The following NFX1 variants were observed in gnomAD, a reference collection of about 807,000 sequenced individuals.
NFX1 encodes the protein transcriptional repressor NF-X1.
A neutral mutation model predicts 137.2 loss-of-function variants in NFX1; 69 were observed. That is an observed-to-expected ratio of 0.50 (90% CI 0.41 to 0.61). The LOEUF (loss-of-function observed/expected upper bound fraction) is 0.61. Ranked by LOEUF, NFX1 falls within the 20% of genes least tolerant of loss-of-function variation. NFX1 has a pLI of 0.00. For synonymous variants in NFX1, 495 were observed against 474.1 expected, an observed-to-expected ratio of 1.04 and a Z score of -0.57; for missense variants, 1,167 against 1,391.0, an observed-to-expected ratio of 0.84 and a Z score of 2.56.
intron 10 of NFX1, among the ~76,000 whole-genome samples, chr9:33,331,075 A>G (rs1822788920): frequency 6.6e-6 from 1 of 152,128 alleles, no homozygotes; most frequent in Non-Finnish European, 1.5e-5. Context: ...CTGAGGCAGG[A>G]GAATGGTGTG....
At chr9:33,350,303 C>CAAAAAA (rs35938162) in intron 15 of NFX1, among the ~76,000 whole-genome samples, 1 of 53,392 alleles carries the variant, frequency 1.9e-5, no homozygotes, top group African/African-American at 7.2e-5. Flanking sequence ...GACTCCATCT[C>CAAAAAA]AAAAAAAAAA....
At chr9:33,300,861 A>G (rs764957343) in intron 2 of NFX1, among the ~76,000 whole-genome samples, 19 of 152,266 alleles carry the variant, frequency 1.2e-4, no homozygotes, top group Non-Finnish European at 2.5e-4. Context: ...AGCTGACACT[A>G]CAGCTTCACG....
chr9:33,317,087 T>C (rs573895665), intron 7 of NFX1, among the ~76,000 whole-genome samples: 1 of 152,288 alleles, frequency 6.6e-6, no homozygotes, highest in East Asian at 1.9e-4. Flanking sequence ...CAAATCAGTC[T>C]TTATTAAATG....
At chr9:33,309,634 T>G (rs1821892021) in intron 5 of NFX1, among the ~76,000 whole-genome samples, 1 of 152,180 alleles carries the variant, frequency 6.6e-6, no homozygotes, top group South Asian at 2.1e-4. Flanking sequence ...TTGTTAGGAC[T>G]CAAAAGTGAC....
chr9:33,356,040 T>C (rs192178287), intron 19 of NFX1, among the ~76,000 whole-genome samples: 1 of 152,334 alleles, frequency 6.6e-6, no homozygotes, highest in Admixed American at 6.5e-5. Flanking sequence ...TTTATGTGTG[T>C]TCAGCATTAG....
At chr9:33,331,603 C>T (rs941072827) in intron 10 of NFX1, among the ~76,000 whole-genome samples, 1 of 151,856 alleles carries the variant, frequency 6.6e-6, no homozygotes, top group Non-Finnish European at 1.5e-5. Flanking sequence ...CAATCCCAGA[C>T]ACCTCATTTT....
chr9:33,307,093 C>T, intron 4 of NFX1, 101 bp from the exon 5 acceptor site: 1 of 774,580 alleles, frequency 1.3e-6, no homozygotes, highest in South Asian at 1.9e-5. Context: ...ATAAAAACCA[C>T]ACTAAAGTTG....
chr9:33,351,411 A>G, intron 15 of NFX1, 149 bp from the exon 16 acceptor site: 1 of 706,694 alleles, frequency 1.4e-6, no homozygotes, highest in Non-Finnish European at 2.4e-6. Flanking sequence ...ACACTGTTGC[A>G]CTCCAGCCTG....
At position 33,349,653 on chromosome 9, in the gene NFX1, G is replaced by A. The variant is rs183850453; in HGVS notation, c.2425-1907G>A. Among the ~76,000 whole-genome samples the A allele has an allele frequency of 2.9e-3, 435 of 151,962 alleles. 1 individual carries two copies. The highest frequency in any genetic ancestry group is 9.2e-3 in the African/African-American group (380 of 41,434). ...CAGCTTTTTCCTATGGTGAGGAAGC[G>A]TGGAAACAGGCCATTTTTCAAGAAA... On this transcript the variant is annotated intron_variant, in intron 15 of 23. Coordinates refer to ENST00000379540, the MANE Select transcript of NFX1 (RefSeq NM_002504.6).
intron 7 of NFX1, among the ~76,000 whole-genome samples, chr9:33,315,724 CAACAACAA>C (rs1421253186): frequency 5.5e-4 from 63 of 114,850 alleles, no homozygotes; most frequent in African/African-American, 1.7e-3. Flanking sequence ...CAGTCTCTAA[CAACAACAA>C]AAAAAAAAAA....
intron 11 of NFX1, among the ~76,000 whole-genome samples, chr9:33,332,829 G>T (rs748452147): frequency 2.0e-4 from 30 of 152,142 alleles, no homozygotes; most frequent in Non-Finnish European, 3.5e-4. Context: ...GATGTTCACT[G>T]TAAAATACTT....
intron 11 of NFX1, among the ~76,000 whole-genome samples, chr9:33,336,984 C>T (rs1823029590): frequency 6.6e-6 from 1 of 152,050 alleles, no homozygotes; most frequent in Non-Finnish European, 1.5e-5. Context: ...CACCTGTAAT[C>T]CCAGCTACTC....
In NFX1 at chr9:33,342,657, A is replaced by G. The variant is rs1253205531; in HGVS notation, c.2116-89A>G. 5.8e-6 allele frequency: 5 copies of G among 864,740 alleles called. No homozygotes were observed. The East Asian group carries it at 1.3e-4, about 23-fold the overall frequency. The allele number at this position is 864,740 out of a possible 1,614,324, so 53.6% of individuals were successfully genotyped here. A position where few individuals can be genotyped will look rare whatever the true frequency, so the allele number is the denominator to read the frequency against. On this transcript the variant is annotated intron_variant, in intron 12 of 23. Transcript: ENST00000379540. ...GATATCATTTTATCCATAAATGTGTAGAGCTTTGTTTTTATTAATCTTGTT... is the reference window on the plus strand; with the variant it reads ...GATATCATTTTATCCATAAATGTGTGGAGCTTTGTTTTTATTAATCTTGTT...
intron 11 of NFX1, chr9:33,332,736 A>G: frequency 2.4e-6 from 1 of 417,706 alleles, no homozygotes; most frequent in Non-Finnish European, 4.4e-6. Flanking sequence ...AATGCATTAA[A>G]AAAGAAAATT....
chr9:33,297,637 A>G (rs79701879), intron 2 of NFX1, among the ~76,000 whole-genome samples: 6,123 of 152,262 alleles, frequency 0.04, 193 homozygotes, highest in Middle Eastern at 0.065. Flanking sequence ...GGTAGGATTC[A>G]GTTCCTTACA....
chr9:33,313,513 G>C, intron 6 of NFX1, 141 bp from the exon 7 acceptor site: 1 of 677,780 alleles, frequency 1.5e-6, no homozygotes, highest in Non-Finnish European at 2.5e-6. Flanking sequence ...GGAGGAGGGA[G>C]ACATAGGAAA....
chr9:33,329,595 TTTTGTCAG>T (rs1462966733), intron 10 of NFX1, among the ~76,000 whole-genome samples: 1 of 152,128 alleles, frequency 6.6e-6, no homozygotes, highest in Non-Finnish European at 1.5e-5. Flanking sequence ...TGTACATCTG[TTTTGTCAG>T]TTTCTACTTT....
chr9:33,352,510 T>TG, intron 16 of NFX1, 136 bp from the exon 17 acceptor site: 1 of 750,418 alleles, frequency 1.3e-6, no homozygotes, highest in Non-Finnish European at 2.4e-6. Context: ...GTGGTTAGCT[T>TG]CTTCCAGCTT....
intron 19 of NFX1, among the ~76,000 whole-genome samples, chr9:33,358,006 C>G (rs1823867982): frequency 6.6e-6 from 1 of 152,094 alleles, no homozygotes; most frequent in Non-Finnish European, 1.5e-5. Context: ...CATTTCATGT[C>G]TTCTTTGATT....
Sources: allele counts gnomAD v4.1 joint callset (sites outside exome capture counted in the v4.1 genomes callset), GRCh38; gene constraint gnomAD v4.1.1; transcripts MANE v1.5; gene names NCBI Gene and HGNC (gene_info 2026-07-23, HGNC 2026-07-21).